SNTG2: variants seen among roughly 807,000 people sequenced by gnomAD.
The protein encoded by SNTG2 is syntrophin gamma 2, also known as gamma-2-syntrophin.
Under a neutral mutation model 70.9 loss-of-function variants are expected in SNTG2, and 74 were observed. The ratio of observed to expected loss-of-function variants is 1.04; its 90% CI spans 0.86 to 1.27. The LOEUF is 1.27. Ranked by LOEUF, SNTG2 falls within the 50% of genes most tolerant of loss-of-function variation. The probability of loss-of-function intolerance (pLI) is 0.00; values close to 1 mark genes in which losing one functional copy is unlikely to be tolerated. For synonymous variants in SNTG2, 278 were observed against 273.8 expected (o/e 1.02, Z -0.15); for missense variants, 717 against 690.7 (o/e 1.04, Z -0.43).
chr2:985,956 T>C (rs1371430307), intron 1 of SNTG2, among the ~76,000 whole-genome samples: 1 of 152,056 alleles, frequency 6.6e-6, no homozygotes, highest in Non-Finnish European at 1.5e-5. Flanking sequence ...CAACCTATTT[T>C]TATTTTATTT....
At chr2:1,265,128 AT>A (rs1678652303) in intron 13 of SNTG2, among the ~76,000 whole-genome samples, 1 of 134,856 alleles carries the variant, frequency 7.4e-6, no homozygotes, top group South Asian at 2.5e-4. Flanking sequence ...GTTTTTCTTT[AT>A]CAGTTTTGAC....
At chr2:977,340 A>C (rs1322499168) in intron 1 of SNTG2, among the ~76,000 whole-genome samples, 2 of 152,152 alleles carry the variant, frequency 1.3e-5, no homozygotes, top group Non-Finnish European at 2.9e-5. Flanking sequence ...ATGTCTGTGA[A>C]GGTGGTCCAG....
chr2:1,249,636 A>G (rs940282258), intron 12 of SNTG2, among the ~76,000 whole-genome samples: 1 of 152,228 alleles, frequency 6.6e-6, no homozygotes. Context: ...AAAGTAATAA[A>G]TACAAATAAG....
chr2:1,121,446 A>G (rs1667368217), intron 4 of SNTG2, among the ~76,000 whole-genome samples: 1 of 151,002 alleles, frequency 6.6e-6, no homozygotes, highest in South Asian at 2.1e-4. Flanking sequence ...AAGAATTAGT[A>G]AAACTAAGAA....
At chr2:1,099,245 G>A (rs1027706607) in intron 4 of SNTG2, among the ~76,000 whole-genome samples, 5 of 152,080 alleles carry the variant, frequency 3.3e-5, no homozygotes, top group South Asian at 2.1e-4. Context: ...GGGGTGGGGC[G>A]GTTAGCTTAT....
At chr2:964,056 G>C (rs779209687) in intron 1 of SNTG2, among the ~76,000 whole-genome samples, 27 of 152,118 alleles carry the variant, frequency 1.8e-4, no homozygotes, top group Non-Finnish European at 3.8e-4. Context: ...TCTCCCTGTT[G>C]GCGAGCTTTG....
At chr2:1,089,309 G>A (rs2148187417) in intron 2 of SNTG2, among the ~76,000 whole-genome samples, 1 of 152,276 alleles carries the variant, frequency 6.6e-6, no homozygotes, top group Non-Finnish European at 1.5e-5. Flanking sequence ...TAAAGAATAT[G>A]AAAACCTTAA....
At chr2:1,221,973 GT>G (rs1675055465) in intron 9 of SNTG2, among the ~76,000 whole-genome samples, 1 of 9,688 alleles carries the variant, frequency 1.0e-4, no homozygotes, top group African/African-American at 4.1e-4. Context: ...CTCTGTCTCT[GT>G]CTCTGTCTCT....
intron 16 of SNTG2, among the ~76,000 whole-genome samples, chr2:1,366,436 A>C (rs559128684): frequency 1.3e-5 from 2 of 152,238 alleles, no homozygotes; most frequent in South Asian, 4.2e-4. Flanking sequence ...CAGGGACTTT[A>C]TGTGGGGCAG....
At chr2:1,261,641 T>C (rs1416954531) in intron 13 of SNTG2, among the ~76,000 whole-genome samples, 1 of 152,176 alleles carries the variant, frequency 6.6e-6, no homozygotes, top group African/African-American at 2.4e-5. Context: ...GTCCATCCTC[T>C]CAACCTAAAG....
chr2:1,221,439 C>G lies in SNTG2; in HGVS notation c.719+12209C>G, dbSNP rs1388855199. On this transcript the variant is annotated intron_variant, in intron 9 of 16. Coordinates refer to ENST00000308624, the MANE Select transcript of SNTG2 (RefSeq NM_018968.4). The stretch of plus-strand genomic sequence containing the variant: ...TGGTTTTGTCTCTGTCTCTCTCTGT[C>G]TCTGTCTCTGTCTCTCTCTGTCTCT... Among the ~76,000 whole-genome samples the G allele has an allele frequency of 6.0e-5, 9 of 149,286 alleles. 3 individuals carry two copies. Among genetic ancestry groups the G allele is most frequent in the African/African-American group, 2.3e-4 (9 of 39,964 alleles).
chr2:1,289,098 T>C (rs1679885909), intron 14 of SNTG2, among the ~76,000 whole-genome samples: 1 of 152,036 alleles, frequency 6.6e-6, no homozygotes, highest in Non-Finnish European at 1.5e-5. Flanking sequence ...CTGCTTGGCT[T>C]GAAACTCAAG....
intron 8 of SNTG2, among the ~76,000 whole-genome samples, chr2:1,179,964 G>C: frequency 7.2e-6 from 1 of 138,180 alleles, no homozygotes; most frequent in East Asian, 2.5e-4. Flanking sequence ...CAAGCAATGG[G>C]GAAAGGATTC....
intron 6 of SNTG2, among the ~76,000 whole-genome samples, chr2:1,153,369 T>C (rs902395710): frequency 6.6e-6 from 1 of 152,220 alleles, no homozygotes; most frequent in Non-Finnish European, 1.5e-5. Flanking sequence ...TTAACCCTTG[T>C]TACATGATGT....
At chr2:1,247,481 TG>T in intron 12 of SNTG2, 38 bp downstream of exon 12, 1 of 1,409,940 alleles carries the variant, frequency 7.1e-7, no homozygotes, top group Non-Finnish European at 1.0e-6. Context: ...GAGGGGCTGC[TG>T]GGAGGGCTAT....
intron 14 of SNTG2, among the ~76,000 whole-genome samples, chr2:1,271,516 G>T (rs1052308400): frequency 4.6e-5 from 7 of 152,026 alleles, no homozygotes; most frequent in Non-Finnish European, 1.0e-4. Context: ...TATCAGATAG[G>T]ATGCCTTTGG....
At chr2:1,273,560 C>G (rs1679145547) in intron 14 of SNTG2, among the ~76,000 whole-genome samples, 2 of 151,802 alleles carry the variant, frequency 1.3e-5, no homozygotes, top group African/African-American at 4.8e-5. Flanking sequence ...GGAAAGCCTT[C>G]TGGACAAATT....
chr2:1,082,059 G>A (rs558567334), intron 1 of SNTG2, among the ~76,000 whole-genome samples: 14 of 152,270 alleles, frequency 9.2e-5, no homozygotes, highest in South Asian at 2.1e-4. Context: ...TCTCCTGTGC[G>A]TGGGGATCAG....
chr2:1,033,056 TCA>T (rs1031651845), intron 1 of SNTG2, among the ~76,000 whole-genome samples: 1 of 152,152 alleles, frequency 6.6e-6, no homozygotes, highest in Admixed American at 6.5e-5. Context: ...TTGAGAGGAC[TCA>T]CTCACTATTG....
Sources: allele counts gnomAD v4.1 joint callset (sites outside exome capture counted in the v4.1 genomes callset), GRCh38; gene constraint gnomAD v4.1.1; transcripts MANE v1.5; gene names NCBI Gene and HGNC (gene_info 2026-07-23, HGNC 2026-07-21).